The following ICA1 variants were observed in gnomAD, a reference collection of about 807,000 sequenced individuals.
The protein encoded by ICA1 is islet cell autoantigen 1, also known as 69 kDa islet cell autoantigen.
A neutral mutation model predicts 71.0 loss-of-function variants in ICA1; 40 were observed. The observed-to-expected ratio is 0.56, with a 90% CI of 0.44 to 0.73. ICA1 has a LOEUF of 0.73. Ranked by LOEUF, ICA1 falls within the 30% of genes least tolerant of loss-of-function variation. The pLI is 0.00. For missense variants in ICA1, 578 were observed against 576.5 expected (o/e 1.00, Z -0.03); for synonymous variants, 207 against 209.5 (o/e 0.99, Z 0.10).
At chr7:8,219,561 T>A (rs1180407740) in intron 5 of ICA1, among the ~76,000 whole-genome samples, 1 of 152,256 alleles carries the variant, frequency 6.6e-6, no homozygotes, top group Non-Finnish European at 1.5e-5. Context: ...AAAGTATTGT[T>A]TTTAAATATT....
At position 8,218,356 on chromosome 7, in the gene ICA1, C is replaced by T. The variant is rs780062441; in HGVS notation, c.528G>A (p.Val176=). 1.2e-6 allele frequency: 2 copies of T among 1,614,172 alleles called. No homozygotes were observed. Among genetic ancestry groups the T allele is most frequent in the Admixed American group, 1.7e-5 (1 of 60,026 alleles). The change falls in exon 6 of 14, where the codon GTG becomes GTA. Residue 176 remains valine (V), a synonymous_variant. Coordinates refer to ENST00000402384, the MANE Select transcript of ICA1 (RefSeq NM_001136020.3). ...YRGALLWMKD[V]SQELDPDLYK... is the part of the protein sequence containing the mutation. ...AGAGGTCTGGATCAAGCTCCTGAGACACGTCCTTCATCCATAATAGTGCTC... is the reference window on the plus strand; with the variant it reads ...AGAGGTCTGGATCAAGCTCCTGAGATACGTCCTTCATCCATAATAGTGCTC...
At chr7:8,252,308 C>A (rs1461337307) in intron 1 of ICA1, among the ~76,000 whole-genome samples, 1 of 152,222 alleles carries the variant, frequency 6.6e-6, no homozygotes, top group African/African-American at 2.4e-5. Context: ...TGAAGGAATA[C>A]TACGCCCTTC....
intron 6 of ICA1, among the ~76,000 whole-genome samples, chr7:8,161,602 C>A (rs1803834163): frequency 6.6e-6 from 1 of 152,152 alleles, no homozygotes; most frequent in Middle Eastern, 3.2e-3. Flanking sequence ...TTGAGAGGGC[C>A]ATCAGAATAT....
chr7:8,142,877 C>G (rs1348077528), intron 9 of ICA1, among the ~76,000 whole-genome samples: 1 of 152,196 alleles, frequency 6.6e-6, no homozygotes, highest in Non-Finnish European at 1.5e-5. Context: ...TACAGTCTGT[C>G]CTTCAGTGAG....
At chr7:8,196,436 T>C (rs1411518465) in intron 6 of ICA1, among the ~76,000 whole-genome samples, 1 of 152,206 alleles carries the variant, frequency 6.6e-6, no homozygotes, top group African/African-American at 2.4e-5. Context: ...TGGGTACATG[T>C]CACTATACAT....
intron 6 of ICA1, among the ~76,000 whole-genome samples, chr7:8,166,532 T>C (rs1031558452): frequency 1.3e-5 from 2 of 152,130 alleles, no homozygotes; most frequent in African/African-American, 2.4e-5. Context: ...ACTAAAACTA[T>C]GAAAACATTG....
chr7:8,258,490 ACTGCCACTTC>A (rs1032853195), intron 1 of ICA1, among the ~76,000 whole-genome samples: 1 of 152,168 alleles, frequency 6.6e-6, no homozygotes, highest in East Asian at 1.9e-4. Flanking sequence ...TAATTGAGGA[ACTGCCACTTC>A]TCAGACACTG....
rs1358980554 is a variant in ICA1 at position 8,145,718 on chromosome 7, A to C, written c.805-1746T>G. On this transcript the variant is annotated intron_variant, in intron 8 of 13. Coordinates refer to ENST00000402384, the MANE Select transcript of ICA1 (RefSeq NM_001136020.3). ...TTTTCATATATTTTCTGCTTTTTTC[A>C]TACACTACTTGTATGATTGGAATCA... Among the ~76,000 whole-genome samples, 3 of 144,560 alleles carry C rather than the reference A, an allele frequency of 2.1e-5. No homozygotes were observed. In the East Asian group the frequency reaches 6.1e-4, roughly 29 times the overall value. 94.8% of individuals were successfully genotyped at this position (144,560 alleles called of 152,430 possible). A position where few individuals can be genotyped will look rare whatever the true frequency, so the allele number is the denominator to read the frequency against.
At chr7:8,218,755 C>T (rs148433926) in intron 5 of ICA1, 455 of 513,544 alleles carry the variant, frequency 8.9e-4, no homozygotes, top group Admixed American at 2.0e-3. Context: ...CCTCCATCCG[C>T]GTTGTTGGGG....
intron 1 of ICA1, among the ~76,000 whole-genome samples, chr7:8,242,928 C>A (rs1804511075): frequency 1.3e-5 from 2 of 152,120 alleles, no homozygotes. Flanking sequence ...TAATTAATAG[C>A]CTACCAACCA....
intron 1 of ICA1, among the ~76,000 whole-genome samples, chr7:8,239,001 G>T (rs1242696847): frequency 1.3e-5 from 2 of 152,144 alleles, no homozygotes; most frequent in African/African-American, 4.8e-5. Flanking sequence ...ATGGCACACA[G>T]GGAAAATATT....
intron 1 of ICA1, among the ~76,000 whole-genome samples, chr7:8,237,079 G>A (rs1334412706): frequency 1.3e-5 from 2 of 152,208 alleles, no homozygotes; most frequent in Admixed American, 1.3e-4. Flanking sequence ...ATGCAGACAA[G>A]AGAGAGGAAG....
intron 1 of ICA1, among the ~76,000 whole-genome samples, chr7:8,242,752 A>T (rs1804447578): frequency 6.6e-6 from 1 of 152,216 alleles, no homozygotes; most frequent in African/African-American, 2.4e-5. Context: ...GATCCCACAG[A>T]AATACAAACT....
At chr7:8,254,517 G>T (rs144337332) in intron 1 of ICA1, among the ~76,000 whole-genome samples, 1 of 148,258 alleles carries the variant, frequency 6.7e-6, no homozygotes, top group Non-Finnish European at 1.5e-5. Flanking sequence ...TCTAGTTGGC[G>T]TTATTTGAGA....
chr7:8,245,330 T>C (rs1049644085), intron 1 of ICA1, among the ~76,000 whole-genome samples: 1 of 148,368 alleles, frequency 6.7e-6, no homozygotes, highest in South Asian at 2.1e-4. Context: ...AAGCACCACA[T>C]GTTCTCACTC....
At chr7:8,231,118 C>T (rs11970840) in intron 3 of ICA1, among the ~76,000 whole-genome samples, 27,841 of 151,772 alleles carry the variant, frequency 0.18, 6,773 homozygotes, top group African/African-American at 0.56. Context: ...GGCAGTGACT[C>T]GAAACAGCGT....
chr7:8,174,775 A>AAAAAACCAAAG (rs1554310942), intron 6 of ICA1, among the ~76,000 whole-genome samples: 3,400 of 111,070 alleles, frequency 0.031, 155 homozygotes, highest in East Asian at 0.2. Context: ...AAAAAAAAAA[A>AAAAAACCAAAG]AAAACAGAGA....
At chr7:8,235,668 GAA>G (rs1361933846) in intron 2 of ICA1, among the ~76,000 whole-genome samples, 1 of 152,188 alleles carries the variant, frequency 6.6e-6, no homozygotes, top group Non-Finnish European at 1.5e-5. Flanking sequence ...GTTCCCAAGA[GAA>G]AAGTTACACA....
chr7:8,233,185 A>G (rs1188372671), intron 2 of ICA1, among the ~76,000 whole-genome samples: 3 of 152,208 alleles, frequency 2.0e-5, no homozygotes, highest in Admixed American at 1.3e-4. Flanking sequence ...GAAAGCAGAG[A>G]TAAGAGGCTG....
Sources: allele counts gnomAD v4.1 joint callset (sites outside exome capture counted in the v4.1 genomes callset), GRCh38; gene constraint gnomAD v4.1.1; transcripts MANE v1.5; gene names NCBI Gene and HGNC (gene_info 2026-07-23, HGNC 2026-07-21).